IL1RAPL1: variants seen among roughly 807,000 people sequenced by gnomAD.
IL1RAPL1 encodes interleukin 1 receptor accessory protein like 1.
Under a neutral mutation model 48.4 loss-of-function variants are expected in IL1RAPL1, and 3 were observed. The ratio of observed to expected loss-of-function variants is 0.06; its 90% CI spans 0.03 to 0.16. The LOEUF (loss-of-function observed/expected upper bound fraction) is 0.16. IL1RAPL1 is among the 10% of genes least tolerant of loss of function. The pLI, the probability that IL1RAPL1 is intolerant of heterozygous loss-of-function variation, is 1.00. For missense variants in IL1RAPL1, 349 were observed against 530.6 expected (o/e 0.66, Z 3.36); for synonymous variants, 185 against 187.7 (o/e 0.99, Z 0.12).
chrX:29,434,327 A>C (rs930395205), intron 5 of IL1RAPL1, among the ~76,000 whole-genome samples: 3 of 110,097 alleles, frequency 2.7e-5, no homozygotes, highest in African/African-American at 6.6e-5. Context: ...GAAAAATATA[A>C]TGAGTCCATG....
At chrX:29,066,713 A>AGC (rs764292418) in intron 2 of IL1RAPL1, among the ~76,000 whole-genome samples, 7 of 112,051 alleles carry the variant, frequency 6.2e-5, no homozygotes, top group Non-Finnish European at 1.1e-4. Context: ...CAGTATTCTC[A>AGC]GCATGCCTCA....
intron 1 of IL1RAPL1, among the ~76,000 whole-genome samples, 158 bp downstream of exon 1, chrX:28,588,205 TATGTGTGTGTGTGTGTGTGTGTG>T (rs1371040705): frequency 1.1e-5 from 1 of 93,583 alleles, no homozygotes; most frequent in African/African-American, 3.9e-5. Context: ...GGTGTGTTGA[TATGTGTGTGTGTGTGTGTGTGTG>T]TGTGTGTGTG....
chrX:29,956,061 GTAAATT>G lies in IL1RAPL1; in HGVS notation c.*244_*249del. On this transcript the variant is annotated 3_prime_UTR_variant, in exon 11 of 11. Transcript: ENST00000378993. The stretch of plus-strand genomic sequence containing the variant: ...TTTGTTTTATATGTCGTTGGAATTT[GTAAATT>G]TACATTTTTTTTAAAGAAGAGACTG... 5.0e-6 allele frequency: 2 copies of G among 399,202 alleles called. No homozygotes were observed. The highest frequency in any genetic ancestry group is 9.0e-5 in the South Asian group (2 of 22,243). 32.9% of individuals were successfully genotyped at this position (399,202 alleles called of 1,213,427 possible).
intron 3 of IL1RAPL1, chrX:29,369,606 G>A (rs1380140903): frequency 9.0e-6 from 1 of 111,356 alleles, no homozygotes; most frequent in Admixed American, 9.6e-5. Context: ...GGCAGTGTGG[G>A]GGAAACTGAC....
Position 29,335,217 on chromosome X carries a change from C to G in IL1RAPL1, c.362+52000C>G, listed in dbSNP as rs868434849. Among the ~76,000 whole-genome samples the G allele has an allele frequency of 7.0e-5, 7 of 99,538 alleles. No homozygotes were observed. The South Asian group carries it at 3.4e-3, about 49-fold the overall frequency. The allele number at this position is 99,538 out of a possible 115,157, so 86.4% of individuals were successfully genotyped here. On this transcript the variant is annotated intron_variant, in intron 3 of 10. Transcript: ENST00000378993. Reference sequence around the variant, plus strand: ...CAGTGAGCCGAGATGGCAGCAGTACCGTCCAGCTTTGGCTCGGCATCAGAG... The same window carrying G: ...CAGTGAGCCGAGATGGCAGCAGTACGGTCCAGCTTTGGCTCGGCATCAGAG...
chrX:28,944,999 T>C (rs1325599269), intron 2 of IL1RAPL1, among the ~76,000 whole-genome samples: 1 of 110,746 alleles, frequency 9.0e-6, no homozygotes, highest in Non-Finnish European at 1.9e-5. Context: ...ACCTGTAGCT[T>C]TTGACTTAGT....
At chrX:29,645,109 C>T (rs777567382) in intron 5 of IL1RAPL1, among the ~76,000 whole-genome samples, 6 of 112,692 alleles carry the variant, frequency 5.3e-5, no homozygotes, top group Admixed American at 9.4e-5. Context: ...TAAACTAACT[C>T]TTGTTCATAA....
intron 5 of IL1RAPL1, among the ~76,000 whole-genome samples, chrX:29,412,426 C>G (rs1435982852): frequency 8.9e-6 from 1 of 111,741 alleles, no homozygotes; most frequent in Non-Finnish European, 1.9e-5. Flanking sequence ...AAAATATGTG[C>G]TAAATATTTC....
chrX:29,404,355 T>C (rs1934029045), intron 5 of IL1RAPL1, among the ~76,000 whole-genome samples: 1 of 112,209 alleles, frequency 8.9e-6, no homozygotes, highest in African/African-American at 3.2e-5. Context: ...CACTTAGCAA[T>C]ATGCATTTCC....
At chrX:29,220,377 T>C (rs957067061) in intron 2 of IL1RAPL1, among the ~76,000 whole-genome samples, 2 of 112,630 alleles carry the variant, frequency 1.8e-5, no homozygotes, top group Admixed American at 1.9e-4. Context: ...AGTACATTTT[T>C]GGAGACTCTT....
At chrX:29,229,347 T>A (rs920190345) in intron 2 of IL1RAPL1, among the ~76,000 whole-genome samples, 2 of 110,978 alleles carry the variant, frequency 1.8e-5, no homozygotes, top group East Asian at 2.8e-4. Flanking sequence ...GAAAATTACA[T>A]TTTGAATTTT....
intron 5 of IL1RAPL1, among the ~76,000 whole-genome samples, chrX:29,607,036 G>A (rs2147065496): frequency 8.9e-6 from 1 of 112,007 alleles, no homozygotes; most frequent in African/African-American, 3.2e-5. Context: ...AACTAAGGAA[G>A]AAATTCAGAA....
chrX:29,921,386 G>T (rs772360428), intron 8 of IL1RAPL1, among the ~76,000 whole-genome samples: 1 of 111,530 alleles, frequency 9.0e-6, no homozygotes, highest in African/African-American at 3.3e-5. Context: ...TCTTTATTGG[G>T]CAATAGATTC....
chrX:28,979,248 C>A (rs1925275232), intron 2 of IL1RAPL1, among the ~76,000 whole-genome samples: 3 of 111,938 alleles, frequency 2.7e-5, no homozygotes, highest in Admixed American at 9.4e-5. Flanking sequence ...AATGATACCA[C>A]CCATACTTAG....
chrX:28,830,538 G>T (rs1477114578), intron 2 of IL1RAPL1, among the ~76,000 whole-genome samples: 2 of 111,095 alleles, frequency 1.8e-5, no homozygotes, highest in East Asian at 5.7e-4. Context: ...TGGTTGATGA[G>T]ATACAATTAT....
At chrX:29,370,258 G>A (rs1166691079) in intron 3 of IL1RAPL1, among the ~76,000 whole-genome samples, 4 of 110,878 alleles carry the variant, frequency 3.6e-5, no homozygotes, top group Non-Finnish European at 5.7e-5. Context: ...CGTTTTTGAA[G>A]TGGTAGGATA....
At chrX:29,182,374 A>G (rs1354079634) in intron 2 of IL1RAPL1, among the ~76,000 whole-genome samples, 1 of 112,271 alleles carries the variant, frequency 8.9e-6, no homozygotes, top group East Asian at 2.8e-4. Flanking sequence ...TAATGACTGC[A>G]TTCCAGAAGT....
intron 1 of IL1RAPL1, among the ~76,000 whole-genome samples, chrX:28,605,107 T>C (rs1276889985): frequency 1.8e-5 from 2 of 111,742 alleles, no homozygotes; most frequent in Non-Finnish European, 3.8e-5. Context: ...GGTTTAACTC[T>C]TGGCTGTCTT....
chrX:29,926,358 A>G (rs1932891206), intron 8 of IL1RAPL1, among the ~76,000 whole-genome samples: 1 of 112,063 alleles, frequency 8.9e-6, no homozygotes, highest in African/African-American at 3.2e-5. Flanking sequence ...AGGGCCAAGA[A>G]TAATAAACTC....
Sources: allele counts gnomAD v4.1 joint callset (sites outside exome capture counted in the v4.1 genomes callset), GRCh38; gene constraint gnomAD v4.1.1; transcripts MANE v1.5; gene names NCBI Gene and HGNC (gene_info 2026-07-23, HGNC 2026-07-21).